Variants in GNPTAB observed in about 807,000 individuals in gnomAD.
The protein encoded by GNPTAB is N-acetylglucosamine-1-phosphotransferase subunits alpha/beta.
Under a neutral mutation model 136.6 loss-of-function variants are expected in GNPTAB, and 92 were observed. That is an observed-to-expected ratio of 0.67 (90% CI 0.57 to 0.80). The LOEUF is 0.80. Among genes scored for constraint, GNPTAB ranks in the 30% least tolerant of loss-of-function variants. The pLI, the probability that GNPTAB is intolerant of heterozygous loss-of-function variation, is 0.00. For synonymous variants in GNPTAB, 512 were observed against 535.1 expected (o/e 0.96, Z 0.60); for missense variants, 1,343 against 1,501.8 (o/e 0.89, Z 1.75).
intron 1 of GNPTAB, among the ~76,000 whole-genome samples, chr12:101,799,130 CTTGTA>C (rs1869468382): frequency 6.6e-6 from 1 of 152,084 alleles, no homozygotes; most frequent in Non-Finnish European, 1.5e-5. Context: ...GCCTCTTTAT[CTTGTA>C]TTGAAAATGC....
At chr12:101,779,830 C>G (rs1024587073) in intron 7 of GNPTAB, 1 of 381,288 alleles carries the variant, frequency 2.6e-6, no homozygotes, top group Admixed American at 3.8e-5. Context: ...GGCCATACCA[C>G]CCTGAACGCA....
intron 5 of GNPTAB, among the ~76,000 whole-genome samples, chr12:101,785,008 C>T (rs1416691966): frequency 6.6e-6 from 1 of 152,160 alleles, no homozygotes; most frequent in Non-Finnish European, 1.5e-5. Flanking sequence ...CAGTTTTATG[C>T]CAGGAATTAC....
At chr12:101,775,351 T>C (rs1478140187) in intron 7 of GNPTAB, among the ~76,000 whole-genome samples, 1 of 146,606 alleles carries the variant, frequency 6.8e-6, no homozygotes, top group Non-Finnish European at 1.5e-5. Context: ...TCAAAGCTAT[T>C]AGATCTTTTT....
chr12:101,786,361 A>T, intron 4 of GNPTAB, 144 bp from the exon 5 acceptor site: 1 of 703,670 alleles, frequency 1.4e-6, no homozygotes. Flanking sequence ...CTTTTATCTC[A>T]TGGATACAAA....
chr12:101,785,907 G>A (rs1868614895), intron 5 of GNPTAB, 105 bp downstream of exon 5: 1 of 927,988 alleles, frequency 1.1e-6, no homozygotes, highest in African/African-American at 1.7e-5. Context: ...TTTTAGAAAA[G>A]TTTATCAGAC....
At chr12:101,760,337 C>T (rs537458950) in intron 15 of GNPTAB, among the ~76,000 whole-genome samples, 194 bp from the exon 16 acceptor site, 1 of 152,310 alleles carries the variant, frequency 6.6e-6, no homozygotes, top group East Asian at 1.9e-4. Context: ...AATATTTCAT[C>T]TTCATCTCAA....
chr12:101,791,586 C>T (rs1868995948), intron 2 of GNPTAB, among the ~76,000 whole-genome samples: 1 of 151,860 alleles, frequency 6.6e-6, no homozygotes, highest in South Asian at 2.1e-4. Context: ...ACAGGTTGGG[C>T]AAATTTTCTT....
rs1868846537 is a variant in GNPTAB at position 101,789,317 on chromosome 12, A to C, written c.323+621T>G. ...GGCCAGTATCTGGCAAAAGTGGCTG[A>C]GTTCTCCTTGGGCACCAAGAAACAC... On this transcript the variant is annotated intron_variant, in intron 3 of 20. Transcript: ENST00000299314. 2.6e-5 allele frequency among the ~76,000 whole-genome samples: 4 copies of C among 152,166 alleles called. No individual in the cohort carries two copies. The South Asian group carries it at 8.3e-4, about 32-fold the overall frequency.
intron 1 of GNPTAB, among the ~76,000 whole-genome samples, chr12:101,822,501 T>C (rs927076159): frequency 5.3e-5 from 8 of 152,234 alleles, no homozygotes; most frequent in African/African-American, 1.2e-4. Context: ...AGAAGTTTCC[T>C]GTCCTCATTT....
intron 12 of GNPTAB, 165 bp downstream of exon 12, chr12:101,765,926 A>G (rs1452155966): frequency 7.4e-6 from 5 of 672,474 alleles, no homozygotes; most frequent in South Asian, 4.9e-5. Context: ...GATCCTCTTC[A>G]GTGATTTATG....
chr12:101,760,225 C>T (rs551989219), intron 15 of GNPTAB, 82 bp from the exon 16 acceptor site: 2 of 900,018 alleles, frequency 2.2e-6, no homozygotes, highest in African/African-American at 3.3e-5. Flanking sequence ...TAAGTGAAAG[C>T]TTCCAAAAAT....
At chr12:101,795,518 C>T (rs1414263756) in intron 2 of GNPTAB, among the ~76,000 whole-genome samples, 1 of 152,004 alleles carries the variant, frequency 6.6e-6, no homozygotes, top group Non-Finnish European at 1.5e-5. Context: ...TTTGGAAGGC[C>T]GAGGCGGGTG....
rs768262550 is a variant in GNPTAB at position 101,749,088 on chromosome 12, A to G, written c.3693+13T>C. The G allele has an allele frequency of 1.4e-6, 2 of 1,429,006 alleles. No homozygotes were observed. The highest frequency in any genetic ancestry group is 1.1e-5 in the South Asian group (1 of 87,402). The allele number at this position is 1,429,006 out of a possible 1,614,324, so 88.5% of individuals were successfully genotyped here. ...ATACCATTTAATACCCACATAAAAT[A>G]TATAAAACTTACCTGCTCAGCAAAA... On this transcript the variant is annotated intron_variant, in intron 20 of 20. Transcript: ENST00000299314.
At chr12:101,751,369 T>G (rs1169430414) in intron 19 of GNPTAB, among the ~76,000 whole-genome samples, 1 of 152,214 alleles carries the variant, frequency 6.6e-6, no homozygotes, top group Non-Finnish European at 1.5e-5. Context: ...TGTATCACAA[T>G]TTGCCTGGTA....
intron 1 of GNPTAB, among the ~76,000 whole-genome samples, chr12:101,824,432 A>ATATATATATATATATATATAT (rs1188582277): frequency 3.9e-5 from 2 of 50,878 alleles, no homozygotes; most frequent in East Asian, 1.1e-3. Context: ...ATATATATAT[A>ATATATATATATATATATATAT]TTTTCTTTTT....
intron 7 of GNPTAB, among the ~76,000 whole-genome samples, chr12:101,772,646 T>A (rs1177336792): frequency 2.0e-5 from 3 of 152,124 alleles, no homozygotes; most frequent in Non-Finnish European, 4.4e-5. Context: ...CCTCAGCATA[T>A]GTGCCGGGTG....
chr12:101,789,811 C>G, intron 3 of GNPTAB, 127 bp downstream of exon 3: 1 of 998,986 alleles, frequency 1.0e-6, no homozygotes, highest in East Asian at 2.4e-5. Flanking sequence ...ATCAGTTTTA[C>G]CAGATCCTTT....
intron 5 of GNPTAB, among the ~76,000 whole-genome samples, chr12:101,783,507 G>C (rs1036759740): frequency 8.5e-5 from 13 of 152,144 alleles, no homozygotes; most frequent in African/African-American, 3.1e-4. Context: ...GTTTAGTCTA[G>C]AGGTAAAATG....
chr12:101,794,862 T>C (rs190310519), intron 2 of GNPTAB, among the ~76,000 whole-genome samples: 51 of 152,154 alleles, frequency 3.4e-4, no homozygotes, highest in African/African-American at 1.1e-3. Context: ...AGTCCAGGAG[T>C]TTGAGACCAG....
Sources: gnomAD v4.1 joint callset for allele counts (sites outside exome capture counted in the v4.1 genomes callset) on GRCh38, gnomAD v4.1.1 for gene constraint, MANE v1.5 for transcripts, NCBI Gene and HGNC (gene_info 2026-07-23, HGNC 2026-07-21) for gene names.